CPQ: variants seen among roughly 807,000 people sequenced by gnomAD.
CPQ encodes the protein Ser-Met dipeptidase.
A neutral mutation model predicts 45.7 loss-of-function variants in CPQ; 37 were observed. The observed-to-expected ratio is 0.81, with a 90% confidence interval of 0.62 to 1.07. CPQ has a LOEUF of 1.07. Among genes scored for constraint, CPQ ranks in the 50% least tolerant of loss-of-function variants. The pLI is 0.00. For synonymous variants in CPQ, 186 were observed against 205.8 expected (o/e 0.90, Z 0.82); for missense variants, 537 against 572.9 (o/e 0.94, Z 0.64).
intron 1 of CPQ, among the ~76,000 whole-genome samples, chr8:96,747,118 C>T (rs563097348): frequency 4.9e-4 from 75 of 152,100 alleles, no homozygotes; most frequent in African/African-American, 1.7e-3. Context: ...TGTTGAAACG[C>T]TGTCTCTACT....
chr8:96,850,425 A>C (rs1472159182), intron 3 of CPQ, among the ~76,000 whole-genome samples: 2 of 152,120 alleles, frequency 1.3e-5, no homozygotes, highest in African/African-American at 4.8e-5. Context: ...TTGCTTATGC[A>C]CCTCAAGTCG....
chr8:97,087,953 T>C (rs930646431), intron 7 of CPQ, among the ~76,000 whole-genome samples: 1 of 152,178 alleles, frequency 6.6e-6, no homozygotes, highest in Non-Finnish European at 1.5e-5. Context: ...AGGTATCCAA[T>C]ATTATATGAT....
chr8:96,924,440 A>G (rs1476059624), intron 4 of CPQ, among the ~76,000 whole-genome samples: 4 of 152,208 alleles, frequency 2.6e-5, no homozygotes, highest in African/African-American at 9.6e-5. Flanking sequence ...CCAAAGCGCC[A>G]CTGCAAATTT....
At position 97,009,960 on chromosome 8, in the gene CPQ, C is replaced by T. The variant is rs76013581; in HGVS notation, c.962-19443C>T. On this transcript the variant is annotated intron_variant, in intron 5 of 7. Coordinates refer to ENST00000220763, the MANE Select transcript of CPQ (RefSeq NM_016134.4). ...GTACTGCCTCTTTTTTCCCCTCCCA[C>T]GCTGACTTTATCTCATTCCTTGTTT... Among the ~76,000 whole-genome samples the T allele has an allele frequency of 1.9e-4, 29 of 152,272 alleles. 1 individual carries two copies. The East Asian group carries it at 5.2e-3, about 27-fold the overall frequency.
rs190993558 is a variant in CPQ at position 96,989,362 on chromosome 8, A to G, written c.961+23316A>G. 8.6e-4 allele frequency among the ~76,000 whole-genome samples: 127 copies of G among 147,402 alleles called. 2 individuals are homozygous for G. The highest frequency in any genetic ancestry group is 3.1e-3 in the African/African-American group (124 of 40,490). Reference sequence around the variant, plus strand: ...AAGGGAAAAGAAATGGGCATGTTTCAGGTCAGTTCTGAATAATGGAAGAAA... The same window carrying G: ...AAGGGAAAAGAAATGGGCATGTTTCGGGTCAGTTCTGAATAATGGAAGAAA... On this transcript the variant is annotated intron_variant, in intron 5 of 7. Coordinates refer to ENST00000220763, the MANE Select transcript of CPQ (RefSeq NM_016134.4).
At chr8:96,750,622 T>C (rs1255401786) in intron 1 of CPQ, among the ~76,000 whole-genome samples, 8 of 152,034 alleles carry the variant, frequency 5.3e-5, no homozygotes, top group African/African-American at 9.7e-5. Context: ...ACTTTTTTTT[T>C]TCTCTCTTCA....
chr8:96,850,073 T>C (rs1469445325), intron 3 of CPQ, among the ~76,000 whole-genome samples: 1 of 152,188 alleles, frequency 6.6e-6, no homozygotes, highest in East Asian at 1.9e-4. Context: ...ATTGATTTGA[T>C]CTCCGTAGGT....
At chr8:96,763,861 A>C (rs1810435915) in intron 1 of CPQ, among the ~76,000 whole-genome samples, 1 of 152,164 alleles carries the variant, frequency 6.6e-6, no homozygotes, top group Admixed American at 6.6e-5. Flanking sequence ...TATTAGGAAT[A>C]TAAAAAGACT....
At chr8:97,061,355 G>GA (rs899006553) in intron 6 of CPQ, among the ~76,000 whole-genome samples, 1 of 151,950 alleles carries the variant, frequency 6.6e-6, no homozygotes, top group Non-Finnish European at 1.5e-5. Flanking sequence ...TTATGATCAT[G>GA]AAAAAAAGTT....
intron 3 of CPQ, among the ~76,000 whole-genome samples, chr8:96,835,482 A>G (rs1811518342): frequency 6.6e-6 from 1 of 152,218 alleles, no homozygotes; most frequent in African/African-American, 2.4e-5. Flanking sequence ...TGGAGGAAGA[A>G]CTGCGTTCAT....
intron 1 of CPQ, among the ~76,000 whole-genome samples, chr8:96,773,323 G>A (rs558300050): frequency 1.2e-4 from 19 of 152,038 alleles, no homozygotes; most frequent in East Asian, 1.9e-4. Flanking sequence ...AAATATTATC[G>A]CCATTAAGTG....
chr8:96,722,162 G>A (rs537795309), intron 1 of CPQ, among the ~76,000 whole-genome samples: 1 of 152,092 alleles, frequency 6.6e-6, no homozygotes, highest in African/African-American at 2.4e-5. Context: ...TCACAAGTAG[G>A]TATTCCATTA....
At chr8:96,708,226 A>C (rs114197054) in intron 1 of CPQ, among the ~76,000 whole-genome samples, 2,987 of 152,124 alleles carry the variant, frequency 0.02, 113 homozygotes, top group African/African-American at 0.069. Context: ...TACACTGAGC[A>C]CACCTTGATA....
intron 1 of CPQ, among the ~76,000 whole-genome samples, chr8:96,679,939 C>G (rs1809128109): frequency 1.3e-5 from 2 of 151,332 alleles, no homozygotes; most frequent in East Asian, 3.9e-4. Flanking sequence ...AATGTTATTA[C>G]TTCTTTCCTT....
chr8:96,816,636 A>C (rs115957828), intron 2 of CPQ, among the ~76,000 whole-genome samples: 3 of 152,192 alleles, frequency 2.0e-5, no homozygotes, highest in Non-Finnish European at 4.4e-5. Context: ...TAGCCTTATG[A>C]AATGTATTTG....
chr8:96,954,429 C>T (rs970186257), intron 4 of CPQ, among the ~76,000 whole-genome samples: 2 of 151,942 alleles, frequency 1.3e-5, no homozygotes, highest in African/African-American at 4.8e-5. Context: ...AAATCCACAA[C>T]ATGACAATAA....
intron 7 of CPQ, among the ~76,000 whole-genome samples, chr8:97,133,998 A>G (rs1197391333): frequency 6.6e-6 from 1 of 152,230 alleles, no homozygotes; most frequent in Admixed American, 6.5e-5. Flanking sequence ...ATACTGCTAT[A>G]TGTTCACATG....
At chr8:97,010,391 T>C (rs1809468112) in intron 5 of CPQ, among the ~76,000 whole-genome samples, 1 of 152,208 alleles carries the variant, frequency 6.6e-6, no homozygotes, top group South Asian at 2.1e-4. Context: ...TGCAAATTGC[T>C]TACATTCTTT....
rs185305816 is a variant in CPQ at position 96,956,012 on chromosome 8, A to C, written c.850-9923A>C. Among the ~76,000 whole-genome samples the C allele has an allele frequency of 1.1e-3, 175 of 152,330 alleles. 1 individual carries two copies. Among genetic ancestry groups the C allele is most frequent in the Admixed American group, 0.01 (160 of 15,302 alleles). On this transcript the variant is annotated intron_variant, in intron 4 of 7. Transcript: ENST00000220763. ...CCAAAAGCAATGGCAACAAAAGCCAAAATCGACAAATGGGATCTAATTAAA... is the reference window on the plus strand; with the variant it reads ...CCAAAAGCAATGGCAACAAAAGCCACAATCGACAAATGGGATCTAATTAAA...
Sources: allele counts gnomAD v4.1 joint callset (sites outside exome capture counted in the v4.1 genomes callset), GRCh38; gene constraint gnomAD v4.1.1; transcripts MANE v1.5; gene names NCBI Gene and HGNC (gene_info 2026-07-23, HGNC 2026-07-21).